PLXNC1: variants seen among roughly 807,000 people sequenced by gnomAD.
PLXNC1 encodes the protein plexin C1.
A neutral mutation model predicts 178.2 loss-of-function variants in PLXNC1; 75 were observed. The ratio of observed to expected loss-of-function variants is 0.42; its 90% confidence interval spans 0.35 to 0.51. The LOEUF (loss-of-function observed/expected upper bound fraction) is 0.51. PLXNC1 is among the 20% of genes least tolerant of loss of function. The pLI, the probability that PLXNC1 is intolerant of heterozygous loss-of-function variation, is 0.02. For missense variants in PLXNC1, 1,503 were observed against 1,984.4 expected, an observed-to-expected ratio of 0.76 and a Z score of 4.61; for synonymous variants, 790 against 779.9, an observed-to-expected ratio of 1.01 and a Z score of -0.22.
intron 4 of PLXNC1, among the ~76,000 whole-genome samples, chr12:94,192,335 A>AT (rs1253971505): frequency 6.6e-6 from 1 of 151,898 alleles, no homozygotes; most frequent in East Asian, 1.9e-4. Flanking sequence ...AATCACAAAT[A>AT]TTTTTTAAGC....
intron 9 of PLXNC1, among the ~76,000 whole-genome samples, chr12:94,230,383 G>A (rs1345981498): frequency 6.6e-6 from 1 of 152,120 alleles, no homozygotes; most frequent in Non-Finnish European, 1.5e-5. Flanking sequence ...GTTTCCTGCA[G>A]TGTATCTCTC....
At chr12:94,157,282 C>A (rs1169268123) in intron 1 of PLXNC1, among the ~76,000 whole-genome samples, 2 of 152,176 alleles carry the variant, frequency 1.3e-5, no homozygotes, top group Non-Finnish European at 2.9e-5. Context: ...CACACCAAGA[C>A]CAACATCTTG....
intron 9 of PLXNC1, among the ~76,000 whole-genome samples, chr12:94,235,075 G>T (rs544039935): frequency 1.3e-5 from 2 of 152,178 alleles, no homozygotes; most frequent in African/African-American, 4.8e-5. Flanking sequence ...ATTAGAAGAG[G>T]TTCCACCAGC....
chr12:94,237,188 A>G (rs1964265557), intron 9 of PLXNC1, among the ~76,000 whole-genome samples: 1 of 152,222 alleles, frequency 6.6e-6, no homozygotes, highest in Non-Finnish European at 1.5e-5. Context: ...CTGGATTCAA[A>G]TAGCCTCACT....
At chr12:94,237,177 C>T (rs541137199) in intron 9 of PLXNC1, among the ~76,000 whole-genome samples, 1 of 152,276 alleles carries the variant, frequency 6.6e-6, no homozygotes, top group East Asian at 1.9e-4. Flanking sequence ...GCAGTATCCT[C>T]CTGGATTCAA....
chr12:94,286,498 T>A (rs1310147654), intron 23 of PLXNC1, among the ~76,000 whole-genome samples: 1 of 151,134 alleles, frequency 6.6e-6, no homozygotes, highest in East Asian at 2.0e-4. Context: ...ACCCTTTTGT[T>A]AAAGAAAAAA....
intron 17 of PLXNC1, among the ~76,000 whole-genome samples, chr12:94,255,583 A>G (rs1964816220): frequency 6.6e-6 from 1 of 152,216 alleles, no homozygotes; most frequent in African/African-American, 2.4e-5. Flanking sequence ...CTCTCAATGT[A>G]GAACTGAATG....
intron 23 of PLXNC1, among the ~76,000 whole-genome samples, chr12:94,285,996 C>G (rs915312998): frequency 1.3e-5 from 2 of 152,158 alleles, no homozygotes; most frequent in African/African-American, 4.8e-5. Flanking sequence ...GCAAGTCTCT[C>G]CAGCAGGGAG....
At position 94,300,920 on chromosome 12, in the gene PLXNC1, C is replaced by T. The variant is rs747506006; in HGVS notation, c.4249C>T (p.Arg1417Cys). ...TCTCTCTTTGAACAGCCTTCCTCTTCGCTTCTGGGTAAACATCCTGAAGAA... is the reference window on the plus strand; with the variant it reads ...TCTCTCTTTGAACAGCCTTCCTCTTTGCTTCTGGGTAAACATCCTGAAGAA... ...HIWKTNSLPL[R>C]FWVNILKNPQ... The change falls in exon 28 of 31, where the codon CGC becomes TGC. Residue 1417 changes from arginine (R) to cysteine (C), a missense_variant. Arg to Cys is a radical substitution (Grantham distance 180, BLOSUM62 -3). Coordinates refer to ENST00000258526, the MANE Select transcript of PLXNC1 (RefSeq NM_005761.3). 9 of 1,612,246 alleles carry T rather than the reference C, an allele frequency of 5.6e-6. No individual in the cohort carries two copies. Among genetic ancestry groups the T allele is most frequent in the South Asian group, 1.1e-5 (1 of 90,940 alleles).
intron 6 of PLXNC1, among the ~76,000 whole-genome samples, chr12:94,220,775 G>T (rs777092084): frequency 3.3e-5 from 5 of 152,240 alleles, no homozygotes; most frequent in African/African-American, 4.8e-5. Context: ...GAAGGGGTAA[G>T]GAAAGCTTCC....
chr12:94,254,469 T>C (rs1964785969), intron 15 of PLXNC1: 2 of 505,644 alleles, frequency 4.0e-6, no homozygotes, highest in African/African-American at 3.9e-5. Flanking sequence ...GCTTGTTTCA[T>C]TACGTTTCAG....
intron 22 of PLXNC1, chr12:94,280,328 A>G (rs1966343044): frequency 6.3e-6 from 1 of 157,762 alleles, no homozygotes; most frequent in South Asian, 1.9e-4. Context: ...TTTATAGCAG[A>G]TAATGGGACA....
At chr12:94,193,469 A>T (rs1440046931) in intron 4 of PLXNC1, among the ~76,000 whole-genome samples, 1 of 152,240 alleles carries the variant, frequency 6.6e-6, no homozygotes, top group Non-Finnish European at 1.5e-5. Context: ...CACACTAAAA[A>T]TAGGGCCATA....
chr12:94,193,262 C>T (rs1053977494), intron 4 of PLXNC1, among the ~76,000 whole-genome samples: 1 of 152,152 alleles, frequency 6.6e-6, no homozygotes, highest in African/African-American at 2.4e-5. Context: ...AACGAGAACT[C>T]TGGGGTGCAA....
rs187632826 is a variant in PLXNC1 at position 94,192,685 on chromosome 12, A to G, written c.1439+6212A>G. Reference sequence around the variant, plus strand: ...AGCATGAGAGACCAAGCTAAACTAGACAACATGTTCTAAGCCCTGGCTGAC... The same window carrying G: ...AGCATGAGAGACCAAGCTAAACTAGGCAACATGTTCTAAGCCCTGGCTGAC... On this transcript the variant is annotated intron_variant, in intron 4 of 30. Coordinates refer to ENST00000258526, the MANE Select transcript of PLXNC1 (RefSeq NM_005761.3). Among the ~76,000 whole-genome samples the G allele has an allele frequency of 9.2e-5, 14 of 152,152 alleles. No homozygotes were observed. In the East Asian group the frequency reaches 2.5e-3, roughly 27 times the overall value.
At chr12:94,198,234 G>T (rs1200325508) in intron 4 of PLXNC1, among the ~76,000 whole-genome samples, 2 of 152,188 alleles carry the variant, frequency 1.3e-5, no homozygotes, top group Admixed American at 1.3e-4. Flanking sequence ...TCCTTTTGGG[G>T]ATGTGGATGG....
In PLXNC1 at chr12:94,220,057, A is replaced by C; in HGVS notation, c.1596A>C (p.Ser532=). 1.2e-6 allele frequency: 2 copies of C among 1,613,904 alleles called. No homozygotes were observed. The highest frequency in any genetic ancestry group is 1.7e-6 in the Non-Finnish European group (2 of 1,179,812). ...TGGGAAGCTTCTCTCCAAGACACTCAAAGTGCATGGTGAAGAATGTGGACT... is the reference window on the plus strand; with the variant it reads ...TGGGAAGCTTCTCTCCAAGACACTCCAAGTGCATGGTGAAGAATGTGGACT... ...TMVGSFSPRH[S]KCMVKNVDSS... Residue 532 remains serine, a synonymous_variant, in exon 6 of 31, where the codon TCA becomes TCC. Transcript: ENST00000258526.
chr12:94,299,873 T>G (rs1211939713), intron 27 of PLXNC1, among the ~76,000 whole-genome samples: 1 of 152,164 alleles, frequency 6.6e-6, no homozygotes, highest in Non-Finnish European at 1.5e-5. Context: ...TCTAGCCTCT[T>G]ATCTCCAGTC....
chr12:94,169,521 C>G (rs1309802101), intron 2 of PLXNC1, among the ~76,000 whole-genome samples: 1 of 152,088 alleles, frequency 6.6e-6, no homozygotes, highest in East Asian at 1.9e-4. Context: ...CAGGAGTGCA[C>G]CAAGATGTTT....
Sources: gnomAD v4.1 joint callset for allele counts (sites outside exome capture counted in the v4.1 genomes callset) on GRCh38, gnomAD v4.1.1 for gene constraint, MANE v1.5 for transcripts, NCBI Gene and HGNC (gene_info 2026-07-23, HGNC 2026-07-21) for gene names.